RHOJ: variants seen among roughly 807,000 people sequenced by gnomAD.
RHOJ encodes ras homolog family member J.
In RHOJ, 11 loss-of-function variants were observed where a neutral mutation model predicts 23.4. The observed-to-expected ratio is 0.47, with a 90% CI of 0.30 to 0.78. The LOEUF is 0.78. RHOJ is among the 30% of genes least tolerant of loss of function. RHOJ has a pLI of 0.08. For synonymous variants in RHOJ, 102 were observed against 102.7 expected, an observed-to-expected ratio of 0.99 and a Z score of 0.04; for missense variants, 254 against 273.4, an observed-to-expected ratio of 0.93 and a Z score of 0.50.
intron 1 of RHOJ, among the ~76,000 whole-genome samples, chr14:63,214,618 T>C (rs916236244): frequency 2.0e-5 from 3 of 151,982 alleles, no homozygotes; most frequent in African/African-American, 7.3e-5. Context: ...GGTGGGGGCA[T>C]AGAGAGCTCC....
chr14:63,206,731 C>A (rs1431257647), intron 1 of RHOJ, among the ~76,000 whole-genome samples: 1 of 152,206 alleles, frequency 6.6e-6, no homozygotes, highest in Non-Finnish European at 1.5e-5. Flanking sequence ...CAACTAGATT[C>A]CACTAGGCTC....
chr14:63,278,279 C>T (rs1881796282), intron 2 of RHOJ, among the ~76,000 whole-genome samples: 1 of 152,102 alleles, frequency 6.6e-6, no homozygotes, highest in African/African-American at 2.4e-5. Flanking sequence ...TACTGAGTCC[C>T]GTGTTCTGCA....
chr14:63,257,253 A>AC (rs1895185955), intron 1 of RHOJ, among the ~76,000 whole-genome samples: 1 of 147,686 alleles, frequency 6.8e-6, no homozygotes, highest in Non-Finnish European at 1.5e-5. Context: ...AAAAAAAAAA[A>AC]AAAAAGAGTC....
intron 1 of RHOJ, among the ~76,000 whole-genome samples, chr14:63,209,323 G>A (rs35174949): frequency 0.51 from 78,066 of 151,938 alleles, 21,584 homozygotes; most frequent in South Asian, 0.76. Context: ...TGTATATGAT[G>A]CACTCCATGA....
chr14:63,245,671 G>C (rs890728364), intron 1 of RHOJ, among the ~76,000 whole-genome samples: 1 of 152,158 alleles, frequency 6.6e-6, no homozygotes, highest in Admixed American at 6.5e-5. Context: ...GAAAAAAAGG[G>C]GAGTGGAGGG....
intron 1 of RHOJ, among the ~76,000 whole-genome samples, chr14:63,231,176 A>G (rs1363249109): frequency 1.3e-5 from 2 of 152,180 alleles, no homozygotes; most frequent in African/African-American, 2.4e-5. Flanking sequence ...TGTGTGAGCC[A>G]CCGCGCCTGG....
In RHOJ at chr14:63,236,106, A is replaced by T. The variant is rs76986812; in HGVS notation, c.178+31059A>T. Among the ~76,000 whole-genome samples the T allele has an allele frequency of 2.0e-5, 3 of 152,316 alleles. No homozygotes were observed. In the East Asian group the frequency reaches 5.8e-4, roughly 29 times the overall value. On this transcript the variant is annotated intron_variant, in intron 1 of 4. Coordinates refer to ENST00000316754, the MANE Select transcript of RHOJ (RefSeq NM_020663.5). The stretch of plus-strand genomic sequence containing the variant: ...ACATATAACAAACCTTCCTTTCTAC[A>T]TCCTCTCTTCTTACTCTGACCCTAC...
chr14:63,291,098 A>C lies in RHOJ; in HGVS notation c.*74A>C, dbSNP rs769975370. 3.9e-6 allele frequency: 6 copies of C among 1,557,538 alleles called. No homozygotes were observed. In the African/African-American group the frequency reaches 8.1e-5, roughly 21 times the overall value. On this transcript the variant is annotated 3_prime_UTR_variant, in exon 5 of 5. Coordinates refer to ENST00000316754, the MANE Select transcript of RHOJ (RefSeq NM_020663.5). ...CAATCTCTGTGGCCAAGCTCCAGCC[A>C]AAAAGGAGGGCACGACCAGAAAGGA...
intron 1 of RHOJ, among the ~76,000 whole-genome samples, chr14:63,258,317 T>A (rs1895214777): frequency 6.6e-6 from 1 of 151,968 alleles, no homozygotes; most frequent in African/African-American, 2.4e-5. Flanking sequence ...TAATAGAGAT[T>A]GCAGTTTCAG....
intron 1 of RHOJ, among the ~76,000 whole-genome samples, chr14:63,238,829 C>G (rs754238167): frequency 3.3e-5 from 5 of 152,104 alleles, no homozygotes; most frequent in Non-Finnish European, 7.4e-5. Flanking sequence ...TATATCCGCA[C>G]ATATTCCTGG....
intron 1 of RHOJ, among the ~76,000 whole-genome samples, chr14:63,219,216 G>C (rs942648890): frequency 1.3e-5 from 2 of 152,022 alleles, no homozygotes; most frequent in South Asian, 2.1e-4. Context: ...AATTAACTCA[G>C]AGCCCAGAAA....
Position 63,227,140 on chromosome 14 carries a change from C to T in RHOJ, c.178+22093C>T, listed in dbSNP as rs774401397. Among the ~76,000 whole-genome samples the T allele has an allele frequency of 3.2e-4, 48 of 152,150 alleles. 1 individual carries two copies. Among genetic ancestry groups the T allele is most frequent in the African/African-American group, 1.4e-4 (6 of 41,518 alleles). ...CTGATTTTTGTATTTTTAGTAGGGA[C>T]GGGGTTTCACCATGTTGGCCAGGCT... On this transcript the variant is annotated intron_variant, in intron 1 of 4. Transcript: ENST00000316754.
At chr14:63,275,856 T>C (rs1881702510) in intron 2 of RHOJ, among the ~76,000 whole-genome samples, 1 of 152,110 alleles carries the variant, frequency 6.6e-6, no homozygotes, top group Non-Finnish European at 1.5e-5. Flanking sequence ...GCATGCTCCC[T>C]TGTGAAAAAA....
At chr14:63,266,019 G>A (rs576048632) in intron 1 of RHOJ, among the ~76,000 whole-genome samples, 6 of 152,230 alleles carry the variant, frequency 3.9e-5, no homozygotes, top group East Asian at 3.9e-4. Flanking sequence ...AACGGTAAGC[G>A]TCTCTTGTCA....
intron 1 of RHOJ, among the ~76,000 whole-genome samples, chr14:63,252,918 A>G (rs1895097216): frequency 1.3e-5 from 2 of 152,172 alleles, no homozygotes; most frequent in African/African-American, 4.8e-5. Context: ...TGATAGAAGC[A>G]CCTCTTAAGA....
chr14:63,245,745 G>T (rs2139635416), intron 1 of RHOJ, among the ~76,000 whole-genome samples: 1 of 152,236 alleles, frequency 6.6e-6, no homozygotes, highest in East Asian at 1.9e-4. Flanking sequence ...TCTCTTTGTT[G>T]GTAAATGCTT....
intron 4 of RHOJ, among the ~76,000 whole-genome samples, chr14:63,286,471 A>G (rs1323461167): frequency 6.6e-6 from 1 of 152,212 alleles, no homozygotes; most frequent in African/African-American, 2.4e-5. Flanking sequence ...ATAAAATTCT[A>G]GACAGGGAGA....
rs1348083954 is a variant in RHOJ at position 63,292,123 on chromosome 14, A to G, written c.*1099A>G. 6.6e-6 allele frequency: 1 copy of G among 152,226 alleles called. No individual in the cohort carries two copies. Among genetic ancestry groups the G allele is most frequent in the Non-Finnish European group, 1.5e-5 (1 of 68,038 alleles). The allele number at this position is 152,226 out of a possible 1,614,324, so 9.4% of individuals were successfully genotyped here. A position where few individuals can be genotyped will look rare whatever the true frequency, so the allele number is the denominator to read the frequency against. ...TGCCTTAATTTTTCTATTTGCTTCA[A>G]CTGAAAGTGCTTCTCAGCTCGCCCC... On this transcript the variant is annotated 3_prime_UTR_variant, in exon 5 of 5. Coordinates refer to ENST00000316754, the MANE Select transcript of RHOJ (RefSeq NM_020663.5).
chr14:63,214,934 C>A (rs982729369), intron 1 of RHOJ, among the ~76,000 whole-genome samples: 1 of 152,050 alleles, frequency 6.6e-6, no homozygotes, highest in Non-Finnish European at 1.5e-5. Context: ...AATTAGAGAG[C>A]ACCTGCCCTC....
Sources: allele counts gnomAD v4.1 joint callset (sites outside exome capture counted in the v4.1 genomes callset), GRCh38; gene constraint gnomAD v4.1.1; transcripts MANE v1.5; gene names NCBI Gene and HGNC (gene_info 2026-07-23, HGNC 2026-07-21).